APIP: variants seen among roughly 807,000 people sequenced by gnomAD.
APIP encodes APAF1 interacting protein.
APIP carries 32 observed loss-of-function variants against 32.0 expected under a neutral mutation model. That is an observed-to-expected ratio of 1.00 (90% CI 0.76 to 1.34). The LOEUF is 1.34. Among genes scored for constraint, APIP ranks in the 40% most tolerant of loss-of-function variants. The pLI, the probability that APIP is intolerant of heterozygous loss-of-function variation, is 0.00. For missense variants in APIP, 247 were observed against 298.6 expected (o/e 0.83, Z 1.27); for synonymous variants, 92 against 94.8 (o/e 0.97, Z 0.17).
rs901640908 is a variant in APIP, at chr11:34,882,829, A to C, written c.630-13T>G. 8 of 1,555,580 alleles carry C rather than the reference A, an allele frequency of 5.1e-6. No individual in the cohort carries two copies. The highest frequency in any genetic ancestry group is 6.2e-6 in the Non-Finnish European group (7 of 1,133,552). ...ATAACACTCACACCTGTAAAAGAAA[A>C]AGCAAAAAGAACCAGTGTTTATCGA... is the stretch of plus-strand genomic sequence containing the variant. On this transcript the variant is annotated splice_polypyrimidine_tract_variant and intron_variant, in intron 6 of 6. Coordinates refer to ENST00000395787, the MANE Select transcript of APIP (RefSeq NM_015957.4).
intron 1 of APIP, among the ~76,000 whole-genome samples, chr11:34,910,799 A>G (rs1853535320): frequency 6.6e-6 from 1 of 152,166 alleles, no homozygotes; most frequent in Non-Finnish European, 1.5e-5. Flanking sequence ...CCACCAAGAT[A>G]GCAAGAGGCA....
chr11:34,905,146 T>C (rs1159533168), intron 1 of APIP, among the ~76,000 whole-genome samples: 1 of 152,264 alleles, frequency 6.6e-6, no homozygotes, highest in Non-Finnish European at 1.5e-5. Flanking sequence ...TGTAGCATTC[T>C]GCTTAATTAT....
intron 1 of APIP, among the ~76,000 whole-genome samples, chr11:34,906,404 T>C (rs1853456780): frequency 6.6e-6 from 1 of 152,208 alleles, no homozygotes; most frequent in Non-Finnish European, 1.5e-5. Flanking sequence ...AAGAGCAGAC[T>C]GGGGAGGGCA....
chr11:34,897,521 G>C (rs117454726), intron 1 of APIP, among the ~76,000 whole-genome samples: 9,195 of 151,738 alleles, frequency 0.061, 363 homozygotes, highest in Non-Finnish European at 0.085. Flanking sequence ...GAGAGGGTAA[G>C]GTTGGTAAGG....
In APIP at chr11:34,888,520, A is replaced by G. The variant is rs1590703167; in HGVS notation, c.326-92T>C. On this transcript the variant is annotated intron_variant, in intron 4 of 6. Transcript: ENST00000395787. The stretch of plus-strand genomic sequence containing the variant: ...TCCATATAGTTATACTTATATTTAC[A>G]TATGGTTATGGGCTTATTTTTCCTG... The G allele has an allele frequency of 5.2e-6, 8 of 1,531,756 alleles. No homozygotes were observed. In the East Asian group the frequency reaches 1.6e-4, roughly 31 times the overall value. 94.9% of individuals were successfully genotyped at this position (1,531,756 alleles called of 1,614,324 possible). A position where few individuals can be genotyped will look rare whatever the true frequency, so the allele number is the denominator to read the frequency against.
intron 3 of APIP, among the ~76,000 whole-genome samples, chr11:34,889,484 T>C (rs990413036): frequency 1.3e-5 from 2 of 152,170 alleles, no homozygotes; most frequent in African/African-American, 4.8e-5. Context: ...TTTCTTTTTT[T>C]TTTTAACTTT....
chr11:34,890,424 T>C (rs1005584253), intron 3 of APIP, 80 bp downstream of exon 3: 12 of 1,354,920 alleles, frequency 8.9e-6, no homozygotes, highest in Middle Eastern at 2.6e-4. Flanking sequence ...AATGAATGTT[T>C]TCTCTTAAAA....
At chr11:34,890,652 A>T in intron 2 of APIP, 100 bp from the exon 3 acceptor site, 1 of 1,242,816 alleles carries the variant, frequency 8.0e-7, no homozygotes, top group South Asian at 1.4e-5. Flanking sequence ...TAAATCAAGC[A>T]ATACAGCCAG....
intron 3 of APIP, 116 bp downstream of exon 3, chr11:34,890,388 A>G: frequency 5.4e-6 from 5 of 930,732 alleles, no homozygotes; most frequent in Non-Finnish European, 8.0e-6. Context: ...ATGTTTGCTG[A>G]TTAGTTATTC....
chr11:34,912,519 T>A (rs530841095), intron 1 of APIP, among the ~76,000 whole-genome samples: 1 of 152,162 alleles, frequency 6.6e-6, no homozygotes, highest in Non-Finnish European at 1.5e-5. Context: ...CCTAGGTGTG[T>A]CTGTGAGGGT....
chr11:34,886,679 C>T (rs1853077628), intron 5 of APIP, among the ~76,000 whole-genome samples: 1 of 152,172 alleles, frequency 6.6e-6, no homozygotes, highest in African/African-American at 2.4e-5. Flanking sequence ...CCACTTTTTA[C>T]CTTTTACATC....
chr11:34,914,596 C>T (rs185569876), intron 1 of APIP, among the ~76,000 whole-genome samples: 62 of 152,266 alleles, frequency 4.1e-4, no homozygotes, highest in African/African-American at 1.5e-3. Flanking sequence ...CCAGCACCCT[C>T]TGTAAAGGTG....
chr11:34,907,293 G>A (rs767629461), intron 1 of APIP, among the ~76,000 whole-genome samples: 9 of 152,246 alleles, frequency 5.9e-5, no homozygotes, highest in Non-Finnish European at 1.2e-4. Flanking sequence ...TACAGCTAAT[G>A]GGAAGACTCC....
In APIP at chr11:34,916,359, A is replaced by G. The variant is rs1454131912; in HGVS notation, c.-75T>C. 6.3e-7 allele frequency: 1 copy of G among 1,575,582 alleles called. No individual in the cohort carries two copies. The highest frequency in any genetic ancestry group is 8.6e-7 in the Non-Finnish European group (1 of 1,160,726). ...CGCGGCGCTTAGCCTGGGATACGGCAGCGAGGCCGCAAATGCAATCAGGCG... is the reference window on the plus strand; with the variant it reads ...CGCGGCGCTTAGCCTGGGATACGGCGGCGAGGCCGCAAATGCAATCAGGCG... On this transcript the variant is annotated 5_prime_UTR_variant, in exon 1 of 7. Coordinates refer to ENST00000395787, the MANE Select transcript of APIP (RefSeq NM_015957.4).
intron 1 of APIP, among the ~76,000 whole-genome samples, chr11:34,907,955 C>T (rs1402989238): frequency 6.6e-6 from 1 of 152,088 alleles, no homozygotes; most frequent in Non-Finnish European, 1.5e-5. Context: ...CTAATCCCCT[C>T]CCCCATCTTT....
At chr11:34,886,554 A>G (rs1404601872) in intron 5 of APIP, among the ~76,000 whole-genome samples, 1 of 152,228 alleles carries the variant, frequency 6.6e-6, no homozygotes. Flanking sequence ...TATAAAGTCT[A>G]TAGTAGTGTA....
chr11:34,902,207 C>G (rs1427907769), intron 1 of APIP, among the ~76,000 whole-genome samples: 1 of 152,212 alleles, frequency 6.6e-6, no homozygotes, highest in African/African-American at 2.4e-5. Context: ...TTGAGGATTT[C>G]CTTCCGTCCA....
At chr11:34,906,051 T>A (rs1467583360) in intron 1 of APIP, among the ~76,000 whole-genome samples, 1 of 152,186 alleles carries the variant, frequency 6.6e-6, no homozygotes, top group South Asian at 2.1e-4. Flanking sequence ...GATATCCTTA[T>A]CCCAAGGATG....
chr11:34,901,744 ACT>A (rs1290766543), intron 1 of APIP, among the ~76,000 whole-genome samples: 5 of 152,054 alleles, frequency 3.3e-5, no homozygotes, highest in Non-Finnish European at 7.4e-5. Context: ...CCCAGGACAA[ACT>A]CTTTGTCTCC....
Sources: allele counts gnomAD v4.1 joint callset (sites outside exome capture counted in the v4.1 genomes callset), GRCh38; gene constraint gnomAD v4.1.1; transcripts MANE v1.5; gene names NCBI Gene and HGNC (gene_info 2026-07-23, HGNC 2026-07-21).